The following TCP11L2 variants were observed in gnomAD, a reference collection of about 807,000 sequenced individuals.
TCP11L2 encodes T-complex protein 11-like protein 2.
A neutral mutation model predicts 50.7 loss-of-function variants in TCP11L2; 39 were observed. The ratio of observed to expected loss-of-function variants is 0.77; its 90% CI spans 0.60 to 1.01. The LOEUF is 1.01. Among genes scored for constraint, TCP11L2 ranks in the 50% least tolerant of loss-of-function variants. The pLI, the probability that TCP11L2 is intolerant of heterozygous loss-of-function variation, is 0.00. For missense variants in TCP11L2, 612 were observed against 614.7 expected (o/e 1.00, Z 0.05); for synonymous variants, 192 against 219.3 (o/e 0.88, Z 1.10).
At chr12:106,336,543 C>T (rs958649271) in intron 8 of TCP11L2, among the ~76,000 whole-genome samples, 10 of 142,402 alleles carry the variant, frequency 7.0e-5, no homozygotes, top group South Asian at 2.2e-4. Flanking sequence ...TTTAGAATTG[C>T]GCAATTTTTT....
At position 106,321,727 on chromosome 12, in the gene TCP11L2, C is replaced by G. The variant is rs147542160; in HGVS notation, c.635+21C>G. On this transcript the variant is annotated intron_variant, in intron 5 of 9. Transcript: ENST00000299045. Reference sequence around the variant, plus strand: ...CTGAGGTTAGCACTTTTGCTGTTTGCATTTCCTAGAGTATCTTTGAGTTCA... The same window carrying G: ...CTGAGGTTAGCACTTTTGCTGTTTGGATTTCCTAGAGTATCTTTGAGTTCA... The G allele has an allele frequency of 1.3e-3, 2,086 of 1,604,040 alleles. 32 individuals are homozygous for G. The African/African-American group carries it at 0.025, about 19-fold the overall frequency.
At chr12:106,338,001 C>T (rs1304584309) in intron 8 of TCP11L2, among the ~76,000 whole-genome samples, 1 of 152,002 alleles carries the variant, frequency 6.6e-6, no homozygotes, top group Admixed American at 6.6e-5. Flanking sequence ...AGGGATAGTA[C>T]TAAATAATAG....
At chr12:106,329,320 C>G in intron 6 of TCP11L2, 2 of 1,536,070 alleles carry the variant, frequency 1.3e-6, no homozygotes, top group Non-Finnish European at 1.7e-6. Context: ...ATTCTTAATC[C>G]TGTCCCCAGG....
chr12:106,323,355 G>T (rs557219181), intron 5 of TCP11L2, among the ~76,000 whole-genome samples, 155 bp from the exon 6 acceptor site: 21 of 152,138 alleles, frequency 1.4e-4, no homozygotes, highest in Non-Finnish European at 2.2e-4. Context: ...ACACGTGTAT[G>T]AGCTTCTATG....
Position 106,346,400 on chromosome 12 carries a change from G to A in TCP11L2, c.1430G>A (p.Gly477Asp). The A allele has an allele frequency of 6.2e-7, 1 of 1,614,160 alleles. No homozygotes were observed. Among genetic ancestry groups the A allele is most frequent in the Non-Finnish European group, 8.5e-7 (1 of 1,180,018 alleles). The change falls in exon 10 of 10, where the codon GGC (glycine) becomes GAC (aspartate). Residue 477 changes from glycine (G) to aspartate (D), a missense_variant. Physicochemically the swap from Gly to Asp is moderately conservative, Grantham distance 94. Transcript: ENST00000299045. ...AVIQQELEAL[G>D]SQYANIVNLN... ...ATTCAGCAGGAGCTAGAAGCCCTAG[G>A]CTCTCAATATGCAAACATTGTGAAT...
At chr12:106,301,008 G>T (rs1049553893), upstream of TCP11L2, among the ~76,000 whole-genome samples, 9 of 152,180 alleles carry the variant, frequency 5.9e-5, no homozygotes, top group Non-Finnish European at 1.2e-4. Flanking sequence ...CATTGTCACA[G>T]AATTACCAGA....
intron 6 of TCP11L2, among the ~76,000 whole-genome samples, chr12:106,334,562 A>G (rs1478670250): frequency 6.6e-6 from 1 of 152,164 alleles, no homozygotes; most frequent in Non-Finnish European, 1.5e-5. Flanking sequence ...CCACTGCAAT[A>G]ATTTACTCTC....
intron 3 of TCP11L2, among the ~76,000 whole-genome samples, chr12:106,315,271 C>G (rs1450342493): frequency 6.6e-6 from 1 of 151,994 alleles, no homozygotes; most frequent in Non-Finnish European, 1.5e-5. Flanking sequence ...AAAAAATTCC[C>G]CTAGGATACA....
rs752119908 is a variant in TCP11L2 at position 106,321,691 on chromosome 12, T to A, written c.620T>A (p.Ile207Asn). 10 of 1,613,986 alleles carry A rather than the reference T, an allele frequency of 6.2e-6. No individual in the cohort carries two copies. The East Asian group carries it at 2.2e-4, about 36-fold the overall frequency. The change falls in exon 5 of 10, where the codon ATC (isoleucine) becomes AAC (asparagine). Residue 207 changes from isoleucine to asparagine, a missense_variant. Ile to Asn is a moderately radical substitution (Grantham distance 149). Coordinates refer to ENST00000299045, the MANE Select transcript of TCP11L2 (RefSeq NM_152772.3). ...DIRELKATGN[I>N]VEVLRQIFHV... Reference sequence around the variant, plus strand: ...AGAGAGTTAAAGGCTACTGGCAACATCGTGGAGGTGCTGAGGTTAGCACTT... The same window carrying A: ...AGAGAGTTAAAGGCTACTGGCAACAACGTGGAGGTGCTGAGGTTAGCACTT...
chr12:106,319,669 A>G (rs937228143), intron 4 of TCP11L2, among the ~76,000 whole-genome samples: 1 of 152,234 alleles, frequency 6.6e-6, no homozygotes, highest in South Asian at 2.1e-4. Flanking sequence ...TATTCCAAGC[A>G]CTAGATTGTT....
intron 1 of TCP11L2, chr12:106,304,214 C>G (rs956640801): frequency 6.6e-6 from 1 of 152,310 alleles, no homozygotes; most frequent in African/African-American, 2.4e-5. Flanking sequence ...GTTGAGGGCC[C>G]CAGAGGGGGA....
In TCP11L2 at chr12:106,321,599, A is replaced by C; in HGVS notation, c.528A>C (p.Gln176His). Residue 176 changes from glutamine to histidine, a missense_variant, in exon 5 of 10, where the codon CAA becomes CAC. Gln to His is a conservative substitution (Grantham distance 24, BLOSUM62 0). Coordinates refer to ENST00000299045, the MANE Select transcript of TCP11L2 (RefSeq NM_152772.3). The part of the protein sequence containing the change: ...QQAEHSAVDI[Q>H]GLANYVISTM... Reference sequence around the variant, plus strand: ...CTGAGCACAGTGCTGTTGACATCCAAGGCCTGGCCAACTATGTCATCAGTA... The same window carrying C: ...CTGAGCACAGTGCTGTTGACATCCACGGCCTGGCCAACTATGTCATCAGTA... The C allele has an allele frequency of 1.9e-6, 3 of 1,614,208 alleles. No individual in the cohort carries two copies. Among genetic ancestry groups the C allele is most frequent in the Non-Finnish European group, 2.5e-6 (3 of 1,180,036 alleles).
chr12:106,302,362 C>G (rs2034442999), upstream of TCP11L2, among the ~76,000 whole-genome samples: 1 of 102,450 alleles, frequency 9.8e-6, no homozygotes, highest in African/African-American at 4.7e-5. Flanking sequence ...AGCCCCCGCT[C>G]AGCCCCCGCT....
chr12:106,319,373 GT>G (rs1188887808), intron 4 of TCP11L2, among the ~76,000 whole-genome samples: 2 of 152,122 alleles, frequency 1.3e-5, no homozygotes, highest in Non-Finnish European at 2.9e-5. Context: ...AACTATAGCA[GT>G]TTTTTCCCCC....
At chr12:106,307,927 C>G (rs532929211) in intron 1 of TCP11L2, among the ~76,000 whole-genome samples, 49 of 152,306 alleles carry the variant, frequency 3.2e-4, no homozygotes, top group African/African-American at 1.0e-3. Context: ...CACACCAACC[C>G]TATGAATTAG....
Position 106,319,774 on chromosome 12 carries a change from T to C in TCP11L2, c.414+1310T>C, listed in dbSNP as rs547250831. On this transcript the variant is annotated intron_variant, in intron 4 of 9. Transcript: ENST00000299045. Reference sequence around the variant, plus strand: ...TCTGACTCATCCAGGGTCACACAACTTTGTGGGGTAGAGAGGGACTTGAAC... The same window carrying C: ...TCTGACTCATCCAGGGTCACACAACCTTGTGGGGTAGAGAGGGACTTGAAC... Among the ~76,000 whole-genome samples the C allele has an allele frequency of 3.9e-5, 6 of 152,352 alleles. No individual in the cohort carries two copies. In the East Asian group the frequency reaches 7.7e-4, roughly 20 times the overall value.
At chr12:106,323,712 TTTAAA>T (rs140996881) in intron 6 of TCP11L2, 66 bp downstream of exon 6, 104,680 of 457,462 alleles carry the variant, frequency 0.23, 18,727 homozygotes, top group African/African-American at 0.32. Flanking sequence ...AATGTTAAAA[TTTAAA>T]TTAAATTAAA....
chr12:106,325,117 A>G (rs1027470987), intron 6 of TCP11L2: 5 of 152,236 alleles, frequency 3.3e-5, no homozygotes, highest in African/African-American at 1.2e-4. Flanking sequence ...CCTTGCAACA[A>G]CTATATGAAG....
At chr12:106,338,154 A>G (rs1199102096) in intron 8 of TCP11L2, among the ~76,000 whole-genome samples, 2 of 152,098 alleles carry the variant, frequency 1.3e-5, no homozygotes, top group African/African-American at 4.8e-5. Context: ...TGATTAATTG[A>G]TTTTTGCTTT....
Sources: allele counts gnomAD v4.1 joint callset (sites outside exome capture counted in the v4.1 genomes callset), GRCh38; gene constraint gnomAD v4.1.1; transcripts MANE v1.5; gene names NCBI Gene and HGNC (gene_info 2026-07-23, HGNC 2026-07-21).